The following ADD3 variants were observed in gnomAD, a reference collection of about 807,000 sequenced individuals.
ADD3 encodes gamma-adducin.
A neutral mutation model predicts 80.2 loss-of-function variants in ADD3; 25 were observed. That is an observed-to-expected ratio of 0.31 (90% CI 0.23 to 0.44). ADD3 has a LOEUF of 0.44. Among genes scored for constraint, ADD3 ranks in the 20% least tolerant of loss-of-function variants. The pLI is 1.00. For missense variants in ADD3, 829 were observed against 847.5 expected, an observed-to-expected ratio of 0.98 and a Z score of 0.27; for synonymous variants, 284 against 289.6, an observed-to-expected ratio of 0.98 and a Z score of 0.20.
At chr10:110,061,148 A>G (rs1564909738) in intron 1 of ADD3, among the ~76,000 whole-genome samples, 2 of 152,238 alleles carry the variant, frequency 1.3e-5, no homozygotes, top group Admixed American at 6.5e-5. Flanking sequence ...GAGGTAAGCC[A>G]GCTGAGCTGT....
At chr10:110,116,785 T>C (rs940368921) in intron 4 of ADD3, among the ~76,000 whole-genome samples, 1 of 152,230 alleles carries the variant, frequency 6.6e-6, no homozygotes, top group Non-Finnish European at 1.5e-5. Flanking sequence ...CTGGTCTTTA[T>C]TTTTAAAATA....
At chr10:110,108,239 T>C (rs1451862405) in intron 2 of ADD3, among the ~76,000 whole-genome samples, 1 of 152,166 alleles carries the variant, frequency 6.6e-6, no homozygotes, top group East Asian at 1.9e-4. Context: ...TATATATATA[T>C]ATTTTTGCTT....
At chr10:110,021,724 G>C (rs1408203712) in intron 1 of ADD3, among the ~76,000 whole-genome samples, 1 of 152,142 alleles carries the variant, frequency 6.6e-6, no homozygotes, top group African/African-American at 2.4e-5. Flanking sequence ...ATGGGGAGTG[G>C]CAGCTTAATG....
chr10:110,046,464 C>T (rs947660922), intron 1 of ADD3, among the ~76,000 whole-genome samples: 1 of 151,610 alleles, frequency 6.6e-6, no homozygotes, highest in Non-Finnish European at 1.5e-5. Flanking sequence ...TGCCCCTAAC[C>T]TCCCATGTTG....
At chr10:110,000,450 C>T (rs1177552492) in intron 1 of ADD3, among the ~76,000 whole-genome samples, 5 of 152,216 alleles carry the variant, frequency 3.3e-5, no homozygotes, top group Admixed American at 3.3e-4. Context: ...TGTGCTGACG[C>T]AACCTGTCCC....
intron 1 of ADD3, among the ~76,000 whole-genome samples, chr10:110,052,143 G>A (rs1857584475): frequency 6.6e-6 from 1 of 152,042 alleles, no homozygotes; most frequent in South Asian, 2.1e-4. Flanking sequence ...CTATGTACAG[G>A]TATTATAAGT....
Position 110,119,788 on chromosome 10 carries a change from A to G in ADD3, c.960+224A>G, listed in dbSNP as rs190226095. 43 of 428,536 alleles carry G rather than the reference A, an allele frequency of 1.0e-4. No homozygotes were observed. In the East Asian group the frequency reaches 1.8e-3, roughly 18 times the overall value. 26.5% of individuals were successfully genotyped at this position (428,536 alleles called of 1,614,324 possible). On this transcript the variant is annotated intron_variant, in intron 8 of 14. Coordinates refer to ENST00000356080, the MANE Select transcript of ADD3 (RefSeq NM_016824.5). ...CACACACAATCTAAGGGCCTCATAA[A>G]CATCATTTTCCCTACAATCCTGCTT... is the stretch of plus-strand genomic sequence containing the variant.
At chr10:110,037,230 C>T (rs2133250606) in intron 1 of ADD3, among the ~76,000 whole-genome samples, 1 of 152,328 alleles carries the variant, frequency 6.6e-6, no homozygotes, top group East Asian at 1.9e-4. Context: ...TCAGTCTTAC[C>T]ATGGGTTCCT....
At chr10:109,996,934 GT>G (rs1253274964) in intron 1 of ADD3, among the ~76,000 whole-genome samples, 8 of 152,162 alleles carry the variant, frequency 5.3e-5, no homozygotes, top group African/African-American at 1.9e-4. Flanking sequence ...AGGTTAATGT[GT>G]TACTACTCCC....
At chr10:110,116,566 A>G (rs1205275083) in intron 4 of ADD3, among the ~76,000 whole-genome samples, 156 bp downstream of exon 4, 1 of 152,186 alleles carries the variant, frequency 6.6e-6, no homozygotes, top group African/African-American at 2.4e-5. Context: ...CTTATACCCA[A>G]GGGAGAGGCT....
At chr10:110,124,392 C>T in intron 10 of ADD3, 118 bp downstream of exon 10, 2 of 1,210,884 alleles carry the variant, frequency 1.7e-6, no homozygotes, top group Non-Finnish European at 2.3e-6. Flanking sequence ...ATATTACTGT[C>T]ACTTATCTGG....
chr10:110,014,713 G>A (rs1259123119), intron 1 of ADD3, among the ~76,000 whole-genome samples: 1 of 151,956 alleles, frequency 6.6e-6, no homozygotes, highest in Non-Finnish European at 1.5e-5. Flanking sequence ...TTTTAGTAGA[G>A]ATGGGGTTTC....
At position 110,124,202 on chromosome 10, in the gene ADD3, A is replaced by G. The variant is rs1222598064; in HGVS notation, c.1329A>G (p.Pro443=). 1 of 1,614,222 alleles carries G rather than the reference A, an allele frequency of 6.2e-7. No homozygotes were observed. The highest frequency in any genetic ancestry group is 1.1e-5 in the South Asian group (1 of 91,088). The change falls in exon 10 of 15, where the codon CCA becomes CCG. Residue 443 remains proline (P), a synonymous_variant. Transcript: ENST00000356080. ...QREKTRWLNS[P]NTYMKVNVPE... is the part of the protein sequence containing the mutation. ...AAAAAACAAGATGGCTGAACTCACC[A>G]AATACTTACATGAAAGTGAATGTGC...
chr10:110,112,126 C>CTT, intron 2 of ADD3: 1 of 145,358 alleles, frequency 6.9e-6, no homozygotes, highest in Non-Finnish European at 1.5e-5. Flanking sequence ...GGAACTCTGT[C>CTT]TTTTTTTTTT....
intron 1 of ADD3, among the ~76,000 whole-genome samples, chr10:110,092,942 C>G (rs964232507): frequency 2.0e-5 from 3 of 152,100 alleles, no homozygotes; most frequent in African/African-American, 7.2e-5. Context: ...TTATTGCAAC[C>G]TCCACCTCCT....
At chr10:110,070,600 AT>A (rs1225919306) in intron 1 of ADD3, among the ~76,000 whole-genome samples, 1 of 152,218 alleles carries the variant, frequency 6.6e-6, no homozygotes, top group African/African-American at 2.4e-5. Context: ...GAAGAAATAC[AT>A]TTACAGACTA....
upstream of ADD3, among the ~76,000 whole-genome samples, chr10:110,007,415 A>G (rs1851730063): frequency 6.6e-6 from 1 of 152,214 alleles, no homozygotes; most frequent in Admixed American, 6.5e-5. Flanking sequence ...GGCCTCCTAC[A>G]GCCCCAGCAG....
At chr10:110,012,707 C>T (rs958224437) in intron 1 of ADD3, among the ~76,000 whole-genome samples, 2 of 151,874 alleles carry the variant, frequency 1.3e-5, no homozygotes, top group African/African-American at 4.8e-5. Context: ...CCACTAAAAG[C>T]TGAACCGTTA....
intron 1 of ADD3, among the ~76,000 whole-genome samples, chr10:110,092,408 T>C (rs1847645576): frequency 6.6e-6 from 1 of 152,188 alleles, no homozygotes; most frequent in Admixed American, 6.5e-5. Context: ...CATGAAATCA[T>C]GTCCTTTGCA....
Sources: gnomAD v4.1 joint callset for allele counts (sites outside exome capture counted in the v4.1 genomes callset) on GRCh38, gnomAD v4.1.1 for gene constraint, MANE v1.5 for transcripts, NCBI Gene and HGNC (gene_info 2026-07-23, HGNC 2026-07-21) for gene names.